CPT1A: variants seen among roughly 807,000 people sequenced by gnomAD.
CPT1A encodes carnitine O-palmitoyltransferase 1, liver isoform.
In CPT1A, 64 loss-of-function variants were observed where a neutral mutation model predicts 100.8. The ratio of observed to expected loss-of-function variants is 0.63; its 90% CI spans 0.52 to 0.78. CPT1A has a LOEUF of 0.78. Ranked by LOEUF, CPT1A falls within the 30% of genes least tolerant of loss-of-function variation. The pLI, the probability that CPT1A is intolerant of heterozygous loss-of-function variation, is 0.00. For synonymous variants in CPT1A, 363 were observed against 396.0 expected (o/e 0.92, Z 0.99); for missense variants, 802 against 1,034.1 (o/e 0.78, Z 3.08).
chr11:68,824,178 G>A (rs1238883502), intron 1 of CPT1A, among the ~76,000 whole-genome samples: 3 of 151,432 alleles, frequency 2.0e-5, no homozygotes, highest in African/African-American at 7.3e-5. Flanking sequence ...AACCTGGGAG[G>A]CGGAGGTTGC....
chr11:68,823,679 C>T (rs1157814762), intron 1 of CPT1A, among the ~76,000 whole-genome samples: 1 of 151,790 alleles, frequency 6.6e-6, no homozygotes, highest in Non-Finnish European at 1.5e-5. Context: ...ATCCCAGCTA[C>T]TCGGGAGGCC....
At chr11:68,783,250 T>A (rs1855363502) in intron 10 of CPT1A, among the ~76,000 whole-genome samples, 1 of 150,464 alleles carries the variant, frequency 6.6e-6, no homozygotes, top group Non-Finnish European at 1.5e-5. Context: ...CAGAAGAATC[T>A]CCCACATTAA....
chr11:68,760,077 A>T (rs940385038), intron 17 of CPT1A, 148 bp downstream of exon 17: 57 of 671,694 alleles, frequency 8.5e-5, no homozygotes, highest in Non-Finnish European at 1.3e-4. Flanking sequence ...TGCCAAGGAC[A>T]TCCATAGCAA....
chr11:68,817,767 C>T (rs1024624319), intron 1 of CPT1A, among the ~76,000 whole-genome samples: 2 of 124,152 alleles, frequency 1.6e-5, no homozygotes, highest in African/African-American at 6.9e-5. Context: ...GGGTCAGTGG[C>T]GGGACAGCTA....
At chr11:68,775,244 A>G in intron 13 of CPT1A, 72 bp downstream of exon 13, 1 of 1,296,422 alleles carries the variant, frequency 7.7e-7, no homozygotes, top group East Asian at 2.3e-5. Flanking sequence ...ACGGTTGGAA[A>G]ATTCATCTGT....
chr11:68,843,954 A>C (rs1857204538), upstream of CPT1A, among the ~76,000 whole-genome samples: 1 of 152,154 alleles, frequency 6.6e-6, no homozygotes, highest in Non-Finnish European at 1.5e-5. The surrounding 1 kb of genome is among the most constrained non-coding windows in gnomAD (Gnocchi z 4.0). Context: ...CCCCGCTCCA[A>C]GGTCATTTCC....
chr11:68,834,728 G>A (rs569329491), intron 1 of CPT1A, among the ~76,000 whole-genome samples: 5 of 152,244 alleles, frequency 3.3e-5, no homozygotes, highest in South Asian at 2.1e-4. Flanking sequence ...ATGACAGAGC[G>A]AGACCCTGTC....
chr11:68,806,535 G>A (rs1369824643), intron 4 of CPT1A, among the ~76,000 whole-genome samples: 3 of 151,804 alleles, frequency 2.0e-5, no homozygotes, highest in Non-Finnish European at 4.4e-5. Flanking sequence ...TGCTCAGGTG[G>A]GAAAATCACT....
At chr11:68,843,724 G>A (rs571046908), upstream of CPT1A, among the ~76,000 whole-genome samples, 66 of 152,342 alleles carry the variant, frequency 4.3e-4, no homozygotes, top group Middle Eastern at 6.8e-3. The surrounding 1 kb of genome is among the most constrained non-coding windows in gnomAD (Gnocchi z 4.0). Flanking sequence ...GTGAGCCCAG[G>A]CACTCGACCC....
chr11:68,796,765 C>T lies in CPT1A; in HGVS notation c.771+91G>A, dbSNP rs1204406842. On this transcript the variant is annotated intron_variant, in intron 7 of 18. Transcript: ENST00000265641. ...AGCCAATCCCCAGAGTTTTCCCAGG[C>T]CGTCCACAGGCCTGTGAAGACGCCA... 9 of 1,271,144 alleles carry T rather than the reference C, an allele frequency of 7.1e-6. No homozygotes were observed. The East Asian group carries it at 1.8e-4, about 25-fold the overall frequency. The allele number at this position is 1,271,144 out of a possible 1,614,324, so 78.7% of individuals were successfully genotyped here.
chr11:68,830,236 C>T (rs1340054631), intron 1 of CPT1A, among the ~76,000 whole-genome samples: 1 of 152,126 alleles, frequency 6.6e-6, no homozygotes, highest in Non-Finnish European at 1.5e-5. Flanking sequence ...CCGGACTGTG[C>T]CACTGCACTC....
At chr11:68,821,497 C>T (rs1381517330) in intron 1 of CPT1A, among the ~76,000 whole-genome samples, 2 of 152,094 alleles carry the variant, frequency 1.3e-5, no homozygotes, top group Non-Finnish European at 2.9e-5. Flanking sequence ...CCCACGTTGG[C>T]CAGGCTGGTC....
At chr11:68,770,164 T>C (rs531817675) in intron 14 of CPT1A, among the ~76,000 whole-genome samples, 47 of 151,884 alleles carry the variant, frequency 3.1e-4, no homozygotes, top group African/African-American at 1.1e-3. Flanking sequence ...TGGGGAGGAG[T>C]TGGGGGGCGA....
chr11:68,763,046 C>T (rs1225651482), intron 14 of CPT1A, among the ~76,000 whole-genome samples: 1 of 152,152 alleles, frequency 6.6e-6, no homozygotes, highest in Admixed American at 6.5e-5. Flanking sequence ...GACAGGGTTT[C>T]ACCACATTGC....
intron 3 of CPT1A, 43 bp downstream of exon 3, chr11:68,812,394 C>A (rs200544201): frequency 1.9e-6 from 3 of 1,611,910 alleles, no homozygotes; most frequent in Admixed American, 1.7e-5. Flanking sequence ...GCAATAAAAT[C>A]GGTAACTTCC....
intron 12 of CPT1A, 58 bp from the exon 13 acceptor site, chr11:68,775,490 C>G: frequency 7.7e-7 from 1 of 1,298,420 alleles, no homozygotes; most frequent in Non-Finnish European, 1.1e-6. Context: ...ACACATTAAC[C>G]TCCAACATGA....
At chr11:68,767,881 TC>T (rs377241337) in intron 14 of CPT1A, among the ~76,000 whole-genome samples, 342 of 152,150 alleles carry the variant, frequency 2.2e-3, no homozygotes, top group Middle Eastern at 0.01. Context: ...TCATGGGAAT[TC>T]CGTAACGTGG....
intron 1 of CPT1A, chr11:68,839,753 G>A (rs1239847366): frequency 2.1e-5 from 21 of 977,356 alleles, no homozygotes; most frequent in Non-Finnish European, 2.6e-5. Context: ...TCGGGGCCAG[G>A]GTTGGGTAAG....
intron 1 of CPT1A, among the ~76,000 whole-genome samples, chr11:68,838,582 A>AAAAAC (rs59901493): frequency 1.4e-5 from 2 of 145,382 alleles, no homozygotes; most frequent in African/African-American, 5.1e-5. Flanking sequence ...TAAAAAAAAA[A>AAAAAC]AAAAAAAAAC....
Sources: allele counts gnomAD v4.1 joint callset (sites outside exome capture counted in the v4.1 genomes callset), GRCh38; gene constraint gnomAD v4.1.1; non-coding constraint Gnocchi (gnomAD v3.1); transcripts MANE v1.5; gene names NCBI Gene and HGNC (gene_info 2026-07-23, HGNC 2026-07-21).